The following ABAT variants were observed in gnomAD, a reference collection of about 807,000 sequenced individuals.
ABAT encodes the protein 4-aminobutyrate aminotransferase, mitochondrial.
In ABAT, 45 loss-of-function variants were observed where a neutral mutation model predicts 64.6. That is an observed-to-expected ratio of 0.70 (90% CI 0.55 to 0.89). The LOEUF (loss-of-function observed/expected upper bound fraction) is 0.89. Among genes scored for constraint, ABAT ranks in the 40% least tolerant of loss-of-function variants. ABAT has a pLI of 0.00. For synonymous variants in ABAT, 297 were observed against 250.5 expected, an observed-to-expected ratio of 1.19 and a Z score of -1.75; for missense variants, 633 against 658.4, an observed-to-expected ratio of 0.96 and a Z score of 0.42.
intron 9 of ABAT, among the ~76,000 whole-genome samples, 154 bp downstream of exon 9, chr16:8,766,424 G>A (rs1186105211): frequency 1.3e-5 from 2 of 152,194 alleles, no homozygotes; most frequent in African/African-American, 4.8e-5. Flanking sequence ...GGAGGCCAAG[G>A]CAGGCGGATC....
At chr16:8,715,481 C>T (rs1010535410) in intron 1 of ABAT, 1 of 151,550 alleles carries the variant, frequency 6.6e-6, no homozygotes. Flanking sequence ...AATAAACTAA[C>T]CAGACATAGT....
Position 8,774,811 on chromosome 16 carries a change from A to G in ABAT, c.955-79A>G. 3 of 1,567,334 alleles carry G rather than the reference A, an allele frequency of 1.9e-6. No homozygotes were observed. The South Asian group carries it at 3.4e-5, about 18-fold the overall frequency. ...GATGTGTGTGGACCCAGGGTTTGGC[A>G]GTTAGCTGGCTATGGAGGGCATGAA... On this transcript the variant is annotated intron_variant, in intron 12 of 15. Coordinates refer to ENST00000268251, the MANE Select transcript of ABAT (RefSeq NM_020686.6).
At chr16:8,740,503 A>T (rs1465674704) in intron 2 of ABAT, among the ~76,000 whole-genome samples, 1 of 152,096 alleles carries the variant, frequency 6.6e-6, no homozygotes, top group Non-Finnish European at 1.5e-5. Context: ...TGATACGTGG[A>T]CCTCTTCACA....
chr16:8,725,277 T>A (rs1424268435), intron 1 of ABAT, among the ~76,000 whole-genome samples: 1 of 152,224 alleles, frequency 6.6e-6, no homozygotes, highest in East Asian at 1.9e-4. Context: ...CAGACCCTTT[T>A]AGAACATCCA....
chr16:8,743,441 A>ATATATATATATATATATG lies in ABAT; in HGVS notation c.71-2556_71-2555insTATATATATATATGTATA, dbSNP rs1158084095. Among the ~76,000 whole-genome samples, 285 of 88,990 alleles carry ATATATATATATATATATG rather than the reference A, an allele frequency of 3.2e-3. 8 individuals carry two copies. Among genetic ancestry groups the ATATATATATATATATATG allele is most frequent in the African/African-American group, 0.01 (271 of 26,514 alleles). The allele number at this position is 88,990 out of a possible 152,430, so 58.4% of individuals were successfully genotyped here. A position where few individuals can be genotyped will look rare whatever the true frequency, so the allele number is the denominator to read the frequency against. ...GAAACAGTTATATATATATATATAT[A>ATATATATATATATATATG]TATACACACATTTTATAATATATTA... On this transcript the variant is annotated intron_variant, in intron 2 of 15. Coordinates refer to ENST00000268251, the MANE Select transcript of ABAT (RefSeq NM_020686.6).
At chr16:8,714,245 C>G (rs1264262510) in intron 1 of ABAT, among the ~76,000 whole-genome samples, 12 of 152,194 alleles carry the variant, frequency 7.9e-5, no homozygotes, top group Admixed American at 7.2e-4. Context: ...GTGAGGGTCA[C>G]CTTGAAAAGG....
chr16:8,724,926 T>C (rs7195524), intron 1 of ABAT, among the ~76,000 whole-genome samples: 1 of 133,602 alleles, frequency 7.5e-6, no homozygotes, highest in African/African-American at 2.8e-5. Flanking sequence ...TTTTCTTTTT[T>C]TTTTTTTTGA....
At chr16:8,759,269 T>C (rs1944587578) in intron 6 of ABAT, among the ~76,000 whole-genome samples, 1 of 152,196 alleles carries the variant, frequency 6.6e-6, no homozygotes, top group Non-Finnish European at 1.5e-5. Flanking sequence ...ATTTTCCTAG[T>C]TGTTCCCTAT....
intron 1 of ABAT, among the ~76,000 whole-genome samples, chr16:8,723,809 TTATA>T (rs540646083): frequency 1.3e-3 from 57 of 44,828 alleles, no homozygotes; most frequent in South Asian, 2.4e-3. Flanking sequence ...TCCAAGCTTT[TTATA>T]TATATATATA....
chr16:8,680,127 C>G (rs2057298025), intron 1 of ABAT, among the ~76,000 whole-genome samples: 1 of 152,164 alleles, frequency 6.6e-6, no homozygotes, highest in Admixed American at 6.5e-5. Flanking sequence ...CTCCTCCTCC[C>G]AACTCCTGTC....
chr16:8,741,133 C>G (rs143827565), intron 2 of ABAT, among the ~76,000 whole-genome samples: 260 of 152,366 alleles, frequency 1.7e-3, no homozygotes, highest in African/African-American at 6.0e-3. Flanking sequence ...CTGGATGGAC[C>G]ATTCACATAT....
At chr16:8,730,999 A>G (rs895496810) in intron 1 of ABAT, among the ~76,000 whole-genome samples, 36 of 152,224 alleles carry the variant, frequency 2.4e-4, no homozygotes, top group African/African-American at 5.8e-4. Flanking sequence ...GTCTCACTCT[A>G]TCACCCAGAC....
chr16:8,772,760 CT>C lies in ABAT; in HGVS notation c.817-17del, dbSNP rs745804095. 6.2e-7 allele frequency: 1 copy of C among 1,614,050 alleles called. No homozygotes were observed. The highest frequency in any genetic ancestry group is 1.1e-5 in the South Asian group (1 of 91,082). On this transcript the variant is annotated intron_variant, in intron 11 of 15. Transcript: ENST00000268251. ...CACAAGCCTCTGCCATCGGTGGTCA[CT>C]TTCCCCTTTGGGATCCAGGTGGAGG...
At chr16:8,735,148 T>A (rs1346133228) in intron 1 of ABAT, among the ~76,000 whole-genome samples, 1 of 142,328 alleles carries the variant, frequency 7.0e-6, no homozygotes, top group Non-Finnish European at 1.5e-5. Flanking sequence ...CACTCCAGCC[T>A]GAGCGATAGA....
At position 8,695,394 on chromosome 16, in the gene ABAT, G is replaced by C. The variant is rs148210884; in HGVS notation, c.-42+20683G>C. Among the ~76,000 whole-genome samples, 990 of 152,300 alleles carry C rather than the reference G, an allele frequency of 6.5e-3. 10 individuals carry two copies. The highest frequency in any genetic ancestry group is 5.8e-3 in the Non-Finnish European group (393 of 68,020). On this transcript the variant is annotated intron_variant, in intron 1 of 15. Transcript: ENST00000268251. ...CAGGATCCCAATGATTGTAAAGATT[G>C]TGTTTCTCCACCTCTGCAGAATCAC...
intron 1 of ABAT, among the ~76,000 whole-genome samples, chr16:8,731,830 A>ACCTCTTTTT (rs1213708283): frequency 6.6e-6 from 1 of 151,686 alleles, no homozygotes; most frequent in African/African-American, 2.4e-5. Context: ...GCCCTCGGCA[A>ACCTCTTTTT]CCTCTTTTTC....
chr16:8,684,585 A>G (rs1243927382), intron 1 of ABAT, among the ~76,000 whole-genome samples: 1 of 151,916 alleles, frequency 6.6e-6, no homozygotes, highest in African/African-American at 2.4e-5. Flanking sequence ...CAGGTGTGGT[A>G]ATGTGCACCT....
At chr16:8,734,772 T>G (rs1399360550) in intron 1 of ABAT, among the ~76,000 whole-genome samples, 1 of 151,572 alleles carries the variant, frequency 6.6e-6, no homozygotes, top group Admixed American at 6.6e-5. Flanking sequence ...ACAAAACAGG[T>G]TTTTAGCAGA....
chr16:8,751,990 G>C lies in ABAT; in HGVS notation c.316+1451G>C, dbSNP rs533994178. ...CCATAGGCTGTGTCTGATGAAGCCT[G>C]TCCCTTCACAGGTAATGCTGGTTCT... is the stretch of plus-strand genomic sequence containing the variant. On this transcript the variant is annotated intron_variant, in intron 5 of 15. Transcript: ENST00000268251. Among the ~76,000 whole-genome samples, 11 of 152,334 alleles carry C rather than the reference G, an allele frequency of 7.2e-5. No homozygotes were observed. In the East Asian group the frequency reaches 2.1e-3, roughly 29 times the overall value.
Sources: gnomAD v4.1 joint callset for allele counts (sites outside exome capture counted in the v4.1 genomes callset) on GRCh38, gnomAD v4.1.1 for gene constraint, MANE v1.5 for transcripts, NCBI Gene and HGNC (gene_info 2026-07-23, HGNC 2026-07-21) for gene names.